BBS4: variants seen among roughly 807,000 people sequenced by gnomAD.
The protein encoded by BBS4 is BBSome complex member BBS4.
BBS4 carries 58 observed loss-of-function variants against 71.4 expected under a neutral mutation model. The observed-to-expected ratio is 0.81, with a 90% CI of 0.66 to 1.01. The LOEUF is 1.01. BBS4 is among the 50% of genes least tolerant of loss of function. The pLI is 0.00. For synonymous variants in BBS4, 228 were observed against 216.8 expected, an observed-to-expected ratio of 1.05 and a Z score of -0.46; for missense variants, 660 against 607.9, an observed-to-expected ratio of 1.09 and a Z score of -0.90.
At chr15:72,686,555 G>A (rs1444525727) in intron 1 of BBS4, 3 of 1,460,526 alleles carry the variant, frequency 2.1e-6, no homozygotes, top group Non-Finnish European at 2.7e-6. Flanking sequence ...CTGTCTCGGG[G>A]GTTTGGAAGG....
At chr15:72,719,760 TTTTTG>T (rs1490612907) in intron 6 of BBS4, among the ~76,000 whole-genome samples, 4 of 41,494 alleles carry the variant, frequency 9.6e-5, no homozygotes, top group Admixed American at 3.4e-4. Context: ...TTTTTTTTTT[TTTTTG>T]TTGAGACAGA....
At chr15:72,689,312 C>T (rs955899292) in intron 1 of BBS4, among the ~76,000 whole-genome samples, 1 of 152,234 alleles carries the variant, frequency 6.6e-6, no homozygotes, top group Non-Finnish European at 1.5e-5. Flanking sequence ...CTGAGTAAAA[C>T]TAGCCCAGTG....
chr15:72,688,798 C>T (rs2064927547), intron 1 of BBS4, among the ~76,000 whole-genome samples: 1 of 152,186 alleles, frequency 6.6e-6, no homozygotes, highest in South Asian at 2.1e-4. Context: ...AGTACTAGGG[C>T]ATTCGTTGTA....
At chr15:72,707,184 T>C (rs924337923) in intron 2 of BBS4, among the ~76,000 whole-genome samples, 20 of 149,650 alleles carry the variant, frequency 1.3e-4, no homozygotes, top group Admixed American at 9.3e-4. Flanking sequence ...TTTCTTTTCT[T>C]TTTTTTTTTT....
In BBS4 at chr15:72,712,142, C is replaced by T. The variant is rs923951114; in HGVS notation, c.157-102C>T. ...TTGGTCTCCCAAAGTTTTGGGATTA[C>T]AAGCATGAGCCACCGCACCTGGCCT... is the stretch of plus-strand genomic sequence containing the variant. On this transcript the variant is annotated intron_variant, in intron 3 of 15. Coordinates refer to ENST00000268057, the MANE Select transcript of BBS4 (RefSeq NM_033028.5). 6 of 1,053,182 alleles carry T rather than the reference C, an allele frequency of 5.7e-6. No homozygotes were observed. The African/African-American group carries it at 7.9e-5, about 14-fold the overall frequency. The allele number at this position is 1,053,182 out of a possible 1,614,324, so 65.2% of individuals were successfully genotyped here.
At chr15:72,703,063 G>A (rs1201596137) in intron 2 of BBS4, among the ~76,000 whole-genome samples, 1 of 151,250 alleles carries the variant, frequency 6.6e-6, no homozygotes. Flanking sequence ...CGCCCGCCTC[G>A]GCCTCCCAAA....
chr15:72,718,253 C>T (rs1199877503), intron 6 of BBS4, among the ~76,000 whole-genome samples: 3 of 152,150 alleles, frequency 2.0e-5, no homozygotes, highest in Non-Finnish European at 4.4e-5. Context: ...CCCTATCCAT[C>T]CAATATTTTT....
chr15:72,712,256 G>A lies in BBS4; in HGVS notation c.169G>A (p.Glu57Lys), dbSNP rs758321666. The change falls in exon 4 of 16, where the codon GAA (glutamate) becomes AAA (lysine). Residue 57 changes from glutamate to lysine, a missense_variant. Physicochemically the swap from Glu to Lys is moderately conservative, Grantham distance 56. Transcript: ENST00000268057. ...CTCCCTCTTTCAGGCTGTTATCAAAGAACAGCTTCAAGAGACTCAGGGATT... is the reference window on the plus strand; with the variant it reads ...CTCCCTCTTTCAGGCTGTTATCAAAAAACAGCTTCAAGAGACTCAGGGATT... Reference protein sequence around the residue: ...DYEACKAVIKEQLQETQGLCE... With the variant: ...DYEACKAVIKKQLQETQGLCE... 3 of 1,613,796 alleles carry A rather than the reference G, an allele frequency of 1.9e-6. No individual in the cohort carries two copies. The African/African-American group carries it at 4.0e-5, about 22-fold the overall frequency.
intron 1 of BBS4, among the ~76,000 whole-genome samples, chr15:72,688,431 T>TTTTTG (rs2064918566): frequency 6.9e-6 from 1 of 144,580 alleles, no homozygotes; most frequent in Non-Finnish European, 1.5e-5. Context: ...TTTTTTTTTT[T>TTTTTG]GAGACGGAGT....
At chr15:72,688,572 C>T (rs889033034) in intron 1 of BBS4, among the ~76,000 whole-genome samples, 3 of 151,944 alleles carry the variant, frequency 2.0e-5, no homozygotes, top group Non-Finnish European at 4.4e-5. Flanking sequence ...CACCACCATG[C>T]CTGGCTTATT....
Position 72,738,157 on chromosome 15 carries a change from C to A in BBS4, c.*570C>A, listed in dbSNP as rs114107162. 4.0e-4 allele frequency: 182 copies of A among 450,832 alleles called. 1 individual carries two copies. The highest frequency in any genetic ancestry group is 3.3e-3 in the African/African-American group (162 of 49,766). 27.9% of individuals were successfully genotyped at this position (450,832 alleles called of 1,614,324 possible). On this transcript the variant is annotated 3_prime_UTR_variant, in exon 16 of 16. Transcript: ENST00000268057. ...CTGCTGAGTATTGCAGCTGCATTTG[C>A]CCAAAGGGAATCCAGAACAAGTCCC...
intron 6 of BBS4, among the ~76,000 whole-genome samples, chr15:72,718,442 C>T (rs546374390): frequency 6.6e-6 from 1 of 152,260 alleles, no homozygotes; most frequent in Non-Finnish European, 1.5e-5. Flanking sequence ...CTCAGAGAGA[C>T]ATTCATATCT....
At chr15:72,730,598 C>A (rs1286589030) in intron 10 of BBS4, among the ~76,000 whole-genome samples, 2 of 152,036 alleles carry the variant, frequency 1.3e-5, no homozygotes, top group Non-Finnish European at 2.9e-5. Context: ...TAAAAAGAAA[C>A]AATAATTATG....
chr15:72,733,146 G>A (rs1271730392), intron 12 of BBS4, among the ~76,000 whole-genome samples: 1 of 152,166 alleles, frequency 6.6e-6, no homozygotes, highest in Non-Finnish European at 1.5e-5. Context: ...GGCCCCAGAT[G>A]TCAAAACATC....
rs186840750 is a variant in BBS4, at chr15:72,727,889, T to C, written c.588-51T>C. 5.1e-6 allele frequency: 7 copies of C among 1,369,908 alleles called. No individual in the cohort carries two copies. In the Admixed American group the frequency reaches 1.0e-4, roughly 20 times the overall value. The allele number at this position is 1,369,908 out of a possible 1,614,324, so 84.9% of individuals were successfully genotyped here. A position where few individuals can be genotyped will look rare whatever the true frequency, so the allele number is the denominator to read the frequency against. ...AGGGCATATTACTGTGCATGTGTCT[T>C]CGTGTTTCTCATCTACATCTTGTTT... is the stretch of plus-strand genomic sequence containing the variant. On this transcript the variant is annotated intron_variant, in intron 8 of 15. Transcript: ENST00000268057.
intron 2 of BBS4, chr15:72,697,949 G>T (rs1391439289): frequency 2.2e-6 from 1 of 455,716 alleles, no homozygotes; most frequent in East Asian, 6.9e-5. Context: ...GCTACATGAG[G>T]CTACTGAAGT....
At chr15:72,689,329 G>A (rs942938252) in intron 1 of BBS4, among the ~76,000 whole-genome samples, 5 of 152,234 alleles carry the variant, frequency 3.3e-5, no homozygotes, top group African/African-American at 1.2e-4. Flanking sequence ...AGTGTGGGAC[G>A]CAGAAATTCT....
chr15:72,733,087 T>C (rs183403689), intron 12 of BBS4, among the ~76,000 whole-genome samples: 46 of 152,264 alleles, frequency 3.0e-4, no homozygotes, highest in African/African-American at 1.1e-3. Context: ...AGGGGTTATA[T>C]CTAGGAATTA....
chr15:72,696,498 T>G (rs1392462689), intron 2 of BBS4, among the ~76,000 whole-genome samples: 2 of 152,220 alleles, frequency 1.3e-5, no homozygotes, highest in African/African-American at 4.8e-5. Context: ...ACCTTTACTT[T>G]GTAGTAAACC....
Sources: gnomAD v4.1 joint callset for allele counts (sites outside exome capture counted in the v4.1 genomes callset) on GRCh38, gnomAD v4.1.1 for gene constraint, MANE v1.5 for transcripts, NCBI Gene and HGNC (gene_info 2026-07-23, HGNC 2026-07-21) for gene names.